DAG1: variants seen among roughly 807,000 people sequenced by gnomAD.
The protein encoded by DAG1 is dystroglycan 1 (dystrophin-associated glycoprotein 1).
A neutral mutation model predicts 46.1 loss-of-function variants in DAG1; 8 were observed. The ratio of observed to expected loss-of-function variants is 0.17; its 90% confidence interval spans 0.10 to 0.31. DAG1 has a LOEUF of 0.31. Among genes scored for constraint, DAG1 ranks in the 10% least tolerant of loss-of-function variants. The pLI is 1.00. For missense variants in DAG1, 1,003 were observed against 1,189.9 expected (o/e 0.84, Z 2.31); for synonymous variants, 495 against 481.8 (o/e 1.03, Z -0.36).
At chr3:49,474,060 G>C (rs948301427) in intron 1 of DAG1, among the ~76,000 whole-genome samples, 2 of 151,474 alleles carry the variant, frequency 1.3e-5, no homozygotes, top group East Asian at 3.9e-4. Flanking sequence ...GCTAATATAT[G>C]TATATATTTT....
chr3:49,497,042 A>G (rs931818460), intron 1 of DAG1, among the ~76,000 whole-genome samples: 2 of 151,790 alleles, frequency 1.3e-5, no homozygotes, highest in Non-Finnish European at 1.5e-5. Flanking sequence ...GCTTGTCCCT[A>G]TAGTCCCAGT....
chr3:49,514,643 G>A (rs2050848568), intron 2 of DAG1, among the ~76,000 whole-genome samples: 1 of 149,068 alleles, frequency 6.7e-6, no homozygotes, highest in Non-Finnish European at 1.5e-5. Flanking sequence ...GCTAATTTTT[G>A]TGTTTTTTTG....
At chr3:49,502,029 C>T (rs1016897487) in intron 1 of DAG1, among the ~76,000 whole-genome samples, 14 of 152,116 alleles carry the variant, frequency 9.2e-5, no homozygotes, top group African/African-American at 3.1e-4. Context: ...TACAAATTAG[C>T]CTGGTGTGGT....
At chr3:49,509,901 A>T (rs1011743506) in intron 1 of DAG1, among the ~76,000 whole-genome samples, 1 of 151,816 alleles carries the variant, frequency 6.6e-6, no homozygotes, top group African/African-American at 2.4e-5. Flanking sequence ...GCTAATTTTC[A>T]TATTTTTAGT....
At chr3:49,486,780 G>T (rs1452754607) in intron 1 of DAG1, among the ~76,000 whole-genome samples, 1 of 152,230 alleles carries the variant, frequency 6.6e-6, no homozygotes, top group African/African-American at 2.4e-5. Context: ...TGGGATTACA[G>T]GCGTGAGACA....
Position 49,478,802 on chromosome 3 carries a change from C to CTTTTTTTTTTTTTTTTTTTTTTTTT in DAG1, c.-117+8373_-117+8397dup, listed in dbSNP as rs201202889. On this transcript the variant is annotated intron_variant, in intron 1 of 2. Transcript: ENST00000308775. ...TGAAAAGTCTCTTGTCGTCCCCTCC[C>CTTTTTTTTTTTTTTTTTTTTTTTTT]TTTTTTTTTTTTTTTTTTTTTTTTT... Among the ~76,000 whole-genome samples the CTTTTTTTTTTTTTTTTTTTTTTTTT allele has an allele frequency of 9.2e-5, 7 of 76,000 alleles. 1 individual carries two copies. Among genetic ancestry groups the CTTTTTTTTTTTTTTTTTTTTTTTTT allele is most frequent in the African/African-American group, 1.6e-4 (3 of 18,590 alleles). 49.9% of individuals were successfully genotyped at this position (76,000 alleles called of 152,430 possible).
At position 49,531,352 on chromosome 3, in the gene DAG1, G is replaced by A. The variant is rs1317730551; in HGVS notation, c.841G>A (p.Ala281Thr). Reference protein sequence around the residue: ...VPDIHGVEAPAREGAMSAQLG... With the variant: ...VPDIHGVEAPTREGAMSAQLG... ...TGACATTCATGGTGTAGAGGCCCCTGCCAGGGAGGGCGCAATGTCTGCTCA... is the reference window on the plus strand; with the variant it reads ...TGACATTCATGGTGTAGAGGCCCCTACCAGGGAGGGCGCAATGTCTGCTCA... Residue 281 changes from alanine (A) to threonine (T), a missense_variant, in exon 3 of 3, where the codon GCC (alanine) becomes ACC (threonine). Around this residue, in one of 3 missense-constraint regions of DAG1, gnomAD observed 755 missense variants for 854.1 expected, o/e 0.88. Transcript: ENST00000308775. The surrounding 1 kb of genome is among the most constrained non-coding windows in gnomAD (Gnocchi z 7.0). 6.2e-7 allele frequency: 1 copy of A among 1,614,172 alleles called. No individual in the cohort carries two copies. Among genetic ancestry groups the A allele is most frequent in the Non-Finnish European group, 8.5e-7 (1 of 1,180,028 alleles).
At chr3:49,490,580 T>A (rs1172491963) in intron 1 of DAG1, among the ~76,000 whole-genome samples, 2 of 151,770 alleles carry the variant, frequency 1.3e-5, no homozygotes, top group Non-Finnish European at 2.9e-5. Flanking sequence ...CTTTTATTTT[T>A]TTTTTTTGGG....
intron 2 of DAG1, among the ~76,000 whole-genome samples, chr3:49,520,835 A>G (rs1171594572): frequency 6.6e-6 from 1 of 152,200 alleles, no homozygotes; most frequent in Non-Finnish European, 1.5e-5. Context: ...ATCTGTCTAG[A>G]GTCTTTGCTT....
intron 1 of DAG1, among the ~76,000 whole-genome samples, chr3:49,503,549 T>C (rs2050515220): frequency 6.6e-6 from 1 of 152,216 alleles, no homozygotes; most frequent in Non-Finnish European, 1.5e-5. Flanking sequence ...TAAAAATTAT[T>C]GGCCAGGCCT....
rs2051419318 is a variant in DAG1 at position 49,533,236 on chromosome 3, G to A, written c.*37G>A. On this transcript the variant is annotated 3_prime_UTR_variant, in exon 3 of 3. Coordinates refer to ENST00000308775, the MANE Select transcript of DAG1 (RefSeq NM_004393.6). Reference sequence around the variant, plus strand: ...CTGGGTGGAGGCAGGGTAGGGCAGGGGCCTGGAGACGACATGGTGTTGTCT... The same window carrying A: ...CTGGGTGGAGGCAGGGTAGGGCAGGAGCCTGGAGACGACATGGTGTTGTCT... The A allele has an allele frequency of 1.2e-6, 2 of 1,604,656 alleles. No individual in the cohort carries two copies. The highest frequency in any genetic ancestry group is 8.5e-7 in the Non-Finnish European group (1 of 1,179,734).
At chr3:49,504,612 A>T (rs2050548262) in intron 1 of DAG1, among the ~76,000 whole-genome samples, 1 of 83,690 alleles carries the variant, frequency 1.2e-5, no homozygotes, top group Non-Finnish European at 2.1e-5. Context: ...TTTTTGACAG[A>T]GTCTCACTCT....
At chr3:49,527,568 T>G (rs1575406353) in intron 2 of DAG1, among the ~76,000 whole-genome samples, 1 of 143,488 alleles carries the variant, frequency 7.0e-6, no homozygotes, top group Admixed American at 6.9e-5. Context: ...CCAGGCGTGG[T>G]GGCGGGCGCC....
At chr3:49,506,794 A>G (rs1173290285) in intron 1 of DAG1, among the ~76,000 whole-genome samples, 2 of 151,994 alleles carry the variant, frequency 1.3e-5, no homozygotes, top group African/African-American at 4.8e-5. Flanking sequence ...TTTGATTTTG[A>G]TATCAGGATA....
chr3:49,533,202 C>T lies in DAG1; in HGVS notation c.*3C>T, dbSNP rs368792500. On this transcript the variant is annotated 3_prime_UTR_variant, in exon 3 of 3. Transcript: ENST00000308775. ...CTCCTCCCTATGTCCCACCTTAACCCGCAAGCGCCTGGGTGGAGGCAGGGT... is the reference window on the plus strand; with the variant it reads ...CTCCTCCCTATGTCCCACCTTAACCTGCAAGCGCCTGGGTGGAGGCAGGGT... The T allele has an allele frequency of 1.9e-5, 31 of 1,611,670 alleles. 1 individual carries two copies. The highest frequency in any genetic ancestry group is 1.6e-4 in the Middle Eastern group (1 of 6,084).
chr3:49,480,831 G>C lies in DAG1; in HGVS notation c.-117+10398G>C, dbSNP rs1437979029. On this transcript the variant is annotated intron_variant, in intron 1 of 2. Coordinates refer to ENST00000308775, the MANE Select transcript of DAG1 (RefSeq NM_004393.6). The stretch of plus-strand genomic sequence containing the variant: ...GGCTGGAGTGCAGTGGCACGATCTC[G>C]GCTCACTGCAAGCTCCGCCTCCCGG... 2.4e-5 allele frequency among the ~76,000 whole-genome samples: 3 copies of C among 123,254 alleles called. No individual in the cohort carries two copies. The East Asian group carries it at 6.5e-4, about 27-fold the overall frequency. The allele number at this position is 123,254 out of a possible 152,430, so 80.9% of individuals were successfully genotyped here. A position where few individuals can be genotyped will look rare whatever the true frequency, so the allele number is the denominator to read the frequency against.
chr3:49,492,743 G>A (rs1275080823), intron 1 of DAG1: 1 of 152,174 alleles, frequency 6.6e-6, no homozygotes, highest in Non-Finnish European at 1.5e-5. Flanking sequence ...ACTGGATGGG[G>A]AGGTGGAGTA....
intron 1 of DAG1, among the ~76,000 whole-genome samples, chr3:49,474,656 T>C (rs1246212535): frequency 6.6e-6 from 1 of 152,054 alleles, no homozygotes; most frequent in African/African-American, 2.4e-5. Context: ...CTGATTTTTG[T>C]ATTTTTTGTA....
At chr3:49,520,696 C>G (rs542077749) in intron 2 of DAG1, among the ~76,000 whole-genome samples, 13 of 152,328 alleles carry the variant, frequency 8.5e-5, no homozygotes, top group East Asian at 3.9e-4. Context: ...GAAGGTGCCA[C>G]CACCAAGGCC....
Sources: gnomAD v4.1 joint callset for allele counts (sites outside exome capture counted in the v4.1 genomes callset) on GRCh38, gnomAD v4.1.1 for gene constraint, gnomAD v4.1.1 regional missense constraint, Gnocchi (gnomAD v3.1) non-coding constraint, MANE v1.5 for transcripts, NCBI Gene and HGNC (gene_info 2026-07-23, HGNC 2026-07-21) for gene names.